MIPOL1: variants seen among roughly 807,000 people sequenced by gnomAD.
MIPOL1 encodes the protein mirror-image polydactyly 1, also known as mirror-image polydactyly gene 1 protein.
In MIPOL1, 57 loss-of-function variants were observed where a neutral mutation model predicts 60.9. The ratio of observed to expected loss-of-function variants is 0.94; its 90% CI spans 0.76 to 1.17. MIPOL1 has a LOEUF of 1.17. MIPOL1 is among the 50% of genes most tolerant of loss of function. The pLI, the probability that MIPOL1 is intolerant of heterozygous loss-of-function variation, is 0.00. For synonymous variants in MIPOL1, 179 were observed against 168.8 expected, an observed-to-expected ratio of 1.06 and a Z score of -0.47; for missense variants, 551 against 511.6, an observed-to-expected ratio of 1.08 and a Z score of -0.74.
chr14:37,390,800 A>C (rs1297762964), intron 10 of MIPOL1, among the ~76,000 whole-genome samples: 1 of 151,976 alleles, frequency 6.6e-6, no homozygotes. Context: ...AAAACAGTAC[A>C]ATATAGGTAT....
chr14:37,246,677 A>G (rs1361054165), intron 1 of MIPOL1, among the ~76,000 whole-genome samples: 2 of 152,140 alleles, frequency 1.3e-5, no homozygotes, highest in Non-Finnish European at 2.9e-5. Context: ...CAATCATTTA[A>G]TTACACCTGA....
intron 9 of MIPOL1, among the ~76,000 whole-genome samples, chr14:37,359,043 T>TGAAGGAAAA (rs2092045811): frequency 6.6e-6 from 1 of 152,226 alleles, no homozygotes. Flanking sequence ...GTTTCAGCTT[T>TGAAGGAAAA]CTACATATGG....
chr14:37,485,573 C>G (rs181683037), intron 11 of MIPOL1, among the ~76,000 whole-genome samples: 2 of 152,264 alleles, frequency 1.3e-5, no homozygotes, highest in Admixed American at 1.3e-4. Flanking sequence ...TTGCATTTAT[C>G]TAATGACCAG....
At chr14:37,502,863 T>C (rs1425014981) in intron 12 of MIPOL1, 15 of 152,082 alleles carry the variant, frequency 9.9e-5, no homozygotes, top group Admixed American at 8.5e-4. Flanking sequence ...ACAAGGAAGC[T>C]AAAAACCTTG....
chr14:37,443,531 G>T (rs1318702992), intron 11 of MIPOL1, among the ~76,000 whole-genome samples: 2 of 148,834 alleles, frequency 1.3e-5, no homozygotes, highest in Non-Finnish European at 3.0e-5. Context: ...AAAACATTTT[G>T]CAGAGAAACT....
At chr14:37,415,521 C>T (rs2093751888) in intron 10 of MIPOL1, among the ~76,000 whole-genome samples, 1 of 150,308 alleles carries the variant, frequency 6.7e-6, no homozygotes, top group Non-Finnish European at 1.5e-5. Flanking sequence ...CCCAGCTACT[C>T]GGGAGGCTGA....
intron 11 of MIPOL1, among the ~76,000 whole-genome samples, chr14:37,448,851 G>T (rs762327258): frequency 2.0e-5 from 3 of 152,120 alleles, no homozygotes; most frequent in Non-Finnish European, 4.4e-5. Context: ...ATGTATGGAG[G>T]TCACTCATAG....
intron 11 of MIPOL1, among the ~76,000 whole-genome samples, chr14:37,474,251 C>G (rs985841699): frequency 2.0e-5 from 3 of 152,026 alleles, no homozygotes; most frequent in Non-Finnish European, 4.4e-5. Context: ...TTTGTATGGA[C>G]GTAGGTTTTT....
intron 9 of MIPOL1, among the ~76,000 whole-genome samples, chr14:37,360,515 G>T (rs1308236402): frequency 2.0e-5 from 3 of 152,208 alleles, no homozygotes. Context: ...GGTCTATTCA[G>T]AGATTCAAGT....
At chr14:37,264,553 G>C (rs1022979987) in intron 3 of MIPOL1, among the ~76,000 whole-genome samples, 2 of 152,048 alleles carry the variant, frequency 1.3e-5, no homozygotes, top group African/African-American at 2.4e-5. Flanking sequence ...GCTTAAGCCC[G>C]GGAGGTCAAG....
At chr14:37,499,886 A>T (rs1555361511) in intron 11 of MIPOL1, 22 bp from the exon 12 acceptor site, 10 of 1,355,442 alleles carry the variant, frequency 7.4e-6, no homozygotes, top group African/African-American at 1.5e-5. Context: ...TTATCTTTAA[A>T]TTTTTTTTAA....
chr14:37,542,137 T>C (rs1285674187), intron 12 of MIPOL1, among the ~76,000 whole-genome samples: 1 of 152,182 alleles, frequency 6.6e-6, no homozygotes, highest in Admixed American at 6.5e-5. Flanking sequence ...TCCTGCCAAA[T>C]CAAATGGACA....
intron 1 of MIPOL1, among the ~76,000 whole-genome samples, chr14:37,234,088 G>T (rs1348698909): frequency 1.3e-5 from 2 of 152,200 alleles, no homozygotes; most frequent in Non-Finnish European, 2.9e-5. Flanking sequence ...AAGCTCTGCT[G>T]TTGTCTGCAG....
rs10147241 is a variant in MIPOL1 at position 37,287,707 on chromosome 14, A to T, written c.623+2260A>T. 7.0e-4 allele frequency among the ~76,000 whole-genome samples: 107 copies of T among 152,336 alleles called. 2 individuals are homozygous for T. Among genetic ancestry groups the T allele is most frequent in the African/African-American group, 2.5e-3 (102 of 41,552 alleles). ...CAATAAGCTATATTAATTTTCTAAAAGCTCTTCTAATATTAACAAATGAGA... is the reference window on the plus strand; with the variant it reads ...CAATAAGCTATATTAATTTTCTAAATGCTCTTCTAATATTAACAAATGAGA... On this transcript the variant is annotated intron_variant, in intron 7 of 12. Transcript: ENST00000684589.
chr14:37,473,670 T>C lies in MIPOL1; in HGVS notation c.1032-26238T>C, dbSNP rs781504992. 1.5e-3 allele frequency among the ~76,000 whole-genome samples: 227 copies of C among 152,178 alleles called. 1 individual carries two copies. The highest frequency in any genetic ancestry group is 1.4e-3 in the Non-Finnish European group (96 of 68,038). ...AACCTCCCCAGCACACAGTTTCCCC[T>C]TTTATTAATGTCTTGTATTGATGTG... On this transcript the variant is annotated intron_variant, in intron 11 of 12. Coordinates refer to ENST00000684589, the MANE Select transcript of MIPOL1 (RefSeq NM_001388067.1).
intron 9 of MIPOL1, among the ~76,000 whole-genome samples, chr14:37,354,966 A>T: frequency 1.2e-5 from 1 of 83,256 alleles, no homozygotes; most frequent in Non-Finnish European, 2.4e-5. Context: ...TTAGCTGGTT[A>T]TTTTGCTCGT....
chr14:37,425,813 A>G (rs2093951292), intron 11 of MIPOL1, among the ~76,000 whole-genome samples: 1 of 152,220 alleles, frequency 6.6e-6, no homozygotes. Context: ...GTGGTTAACT[A>G]TGATAAGGAC....
At chr14:37,403,729 G>A (rs755337334) in intron 10 of MIPOL1, among the ~76,000 whole-genome samples, 1 of 152,088 alleles carries the variant, frequency 6.6e-6, no homozygotes, top group African/African-American at 2.4e-5. Context: ...TTCTGTCCCT[G>A]TTAATTGTCC....
intron 10 of MIPOL1, among the ~76,000 whole-genome samples, chr14:37,420,364 G>T (rs760608321): frequency 6.6e-6 from 1 of 152,006 alleles, no homozygotes; most frequent in Non-Finnish European, 1.5e-5. Flanking sequence ...ATTTTTGCAA[G>T]TATACACGTA....
Sources: allele counts gnomAD v4.1 joint callset (sites outside exome capture counted in the v4.1 genomes callset), GRCh38; gene constraint gnomAD v4.1.1; transcripts MANE v1.5; gene names NCBI Gene and HGNC (gene_info 2026-07-23, HGNC 2026-07-21).